Variants in NCKAP5 observed in about 807,000 individuals in gnomAD.
NCKAP5 encodes nck-associated protein 5.
In NCKAP5, 92 loss-of-function variants were observed where a neutral mutation model predicts 167.0. The observed-to-expected ratio is 0.55, with a 90% CI of 0.47 to 0.66. The LOEUF is 0.66. NCKAP5 is among the 30% of genes least tolerant of loss of function. NCKAP5 has a pLI of 0.00. For synonymous variants in NCKAP5, 891 were observed against 877.4 expected, an observed-to-expected ratio of 1.02 and a Z score of -0.27; for missense variants, 2,378 against 2,315.0, an observed-to-expected ratio of 1.03 and a Z score of -0.56.
chr2:132,769,659 G>A (rs1245910657), intron 16 of NCKAP5, among the ~76,000 whole-genome samples: 1 of 152,192 alleles, frequency 6.6e-6, no homozygotes, highest in Non-Finnish European at 1.5e-5. Flanking sequence ...TGGGAGACAT[G>A]CTCAGTCCTC....
At chr2:133,400,931 G>A (rs868206402) in intron 3 of NCKAP5, among the ~76,000 whole-genome samples, 14 of 152,194 alleles carry the variant, frequency 9.2e-5, no homozygotes, top group African/African-American at 2.2e-4. Context: ...TACGAATGAG[G>A]GCAGCAGCTT....
intron 6 of NCKAP5, among the ~76,000 whole-genome samples, chr2:133,068,030 G>A (rs2080257925): frequency 6.6e-6 from 1 of 152,096 alleles, no homozygotes; most frequent in African/African-American, 2.4e-5. Context: ...TTCACCTGAT[G>A]GCAAAACCCA....
chr2:132,740,037 G>A (rs2105569837), intron 16 of NCKAP5, among the ~76,000 whole-genome samples: 1 of 152,122 alleles, frequency 6.6e-6, no homozygotes, highest in East Asian at 1.9e-4. Flanking sequence ...TTCCTTCTGT[G>A]CAACGATCTA....
intron 5 of NCKAP5, among the ~76,000 whole-genome samples, chr2:133,157,256 T>C (rs909528377): frequency 1.3e-5 from 2 of 152,220 alleles, no homozygotes; most frequent in East Asian, 3.9e-4. Flanking sequence ...TACTTTCTTC[T>C]ATCCTCCAAA....
At chr2:133,147,288 A>T (rs529408329) in intron 5 of NCKAP5, among the ~76,000 whole-genome samples, 2 of 152,288 alleles carry the variant, frequency 1.3e-5, no homozygotes, top group East Asian at 3.9e-4. Flanking sequence ...GATCAGAGTG[A>T]GAAGGCTAAA....
At chr2:133,164,769 T>C (rs2083933900) in intron 5 of NCKAP5, among the ~76,000 whole-genome samples, 1 of 152,196 alleles carries the variant, frequency 6.6e-6, no homozygotes, top group South Asian at 2.1e-4. Flanking sequence ...TCCATGGATC[T>C]TTCCAGATGA....
At chr2:133,472,501 C>T (rs1455965228) in intron 3 of NCKAP5, among the ~76,000 whole-genome samples, 5 of 152,008 alleles carry the variant, frequency 3.3e-5, no homozygotes, top group African/African-American at 1.2e-4. Flanking sequence ...GGCTCCCCTC[C>T]ACCACCTATC....
intron 5 of NCKAP5, among the ~76,000 whole-genome samples, chr2:133,139,156 T>C (rs2082906400): frequency 6.6e-6 from 1 of 152,178 alleles, no homozygotes. Flanking sequence ...CCCTCTTGTG[T>C]CTCTTCTAAT....
At chr2:133,563,251 C>T (rs1366574263) in intron 1 of NCKAP5, among the ~76,000 whole-genome samples, 1 of 152,112 alleles carries the variant, frequency 6.6e-6, no homozygotes, top group Non-Finnish European at 1.5e-5. Context: ...TGATGTTTAA[C>T]CATAAACTTG....
intron 5 of NCKAP5, among the ~76,000 whole-genome samples, chr2:133,183,974 A>G (rs535225806): frequency 6.6e-6 from 1 of 151,960 alleles, no homozygotes; most frequent in African/African-American, 2.4e-5. Flanking sequence ...TTTTTTTTCT[A>G]CTTTTGTGTT....
chr2:133,557,506 T>A (rs1687825921), intron 2 of NCKAP5, among the ~76,000 whole-genome samples: 1 of 152,128 alleles, frequency 6.6e-6, no homozygotes, highest in Non-Finnish European at 1.5e-5. Context: ...AGAGAGATAA[T>A]GAAATTATGA....
chr2:132,796,488 G>C, intron 12 of NCKAP5, 140 bp downstream of exon 12: 1 of 535,552 alleles, frequency 1.9e-6, no homozygotes. Flanking sequence ...TTGAATTTCA[G>C]AGAACACAAG....
chr2:132,862,840 A>G (rs984761133), intron 10 of NCKAP5, among the ~76,000 whole-genome samples: 1 of 151,174 alleles, frequency 6.6e-6, no homozygotes, highest in Non-Finnish European at 1.5e-5. Context: ...TTTTATTTTG[A>G]GACAGAGTTT....
intron 4 of NCKAP5, among the ~76,000 whole-genome samples, chr2:133,287,361 C>G (rs1679223716): frequency 6.6e-6 from 1 of 152,144 alleles, no homozygotes; most frequent in Non-Finnish European, 1.5e-5. Flanking sequence ...ATTTCTATTT[C>G]CAAAGCAGAG....
At chr2:133,213,839 T>C in intron 4 of NCKAP5, 60 bp from the exon 5 acceptor site, 5 of 1,541,630 alleles carry the variant, frequency 3.2e-6, no homozygotes, top group Non-Finnish European at 4.5e-6. Context: ...GACACTGGCA[T>C]GGCCGTGAAA....
intron 6 of NCKAP5, among the ~76,000 whole-genome samples, chr2:133,106,242 G>C (rs1257871974): frequency 7.2e-6 from 1 of 138,304 alleles, no homozygotes; most frequent in African/African-American, 2.7e-5. Flanking sequence ...GCAGTGAGCC[G>C]AGATGCCACC....
chr2:133,162,672 C>T (rs1374259274), intron 5 of NCKAP5, among the ~76,000 whole-genome samples: 1 of 152,000 alleles, frequency 6.6e-6, no homozygotes, highest in Non-Finnish European at 1.5e-5. Context: ...CTTCTTGATG[C>T]AACATTGTTT....
chr2:133,467,907 CTTT>C lies in NCKAP5; in HGVS notation c.69+49548_69+49550del, dbSNP rs1278217665. Among the ~76,000 whole-genome samples, 10 of 131,642 alleles carry C rather than the reference CTTT, an allele frequency of 7.6e-5. 3 individuals carry two copies. Among genetic ancestry groups the C allele is most frequent in the African/African-American group, 2.1e-4 (7 of 33,740 alleles). The allele number at this position is 131,642 out of a possible 152,430, so 86.4% of individuals were successfully genotyped here. A position where few individuals can be genotyped will look rare whatever the true frequency, so the allele number is the denominator to read the frequency against. On this transcript the variant is annotated intron_variant, in intron 3 of 19. Coordinates refer to ENST00000409261, the MANE Select transcript of NCKAP5 (RefSeq NM_207363.3). ...CTATTTGATTCTTCTCTCTTTTCTT[CTTT>C]ATTAGTCTTGCTAGCGGTCTATCAA...
At chr2:132,735,115 C>T (rs17397177) in intron 16 of NCKAP5, among the ~76,000 whole-genome samples, 30,155 of 152,198 alleles carry the variant, frequency 0.2, 3,580 homozygotes, top group Non-Finnish European at 0.28. Flanking sequence ...TCTGAGAATC[C>T]CAAATGCCTA....
Sources: gnomAD v4.1 joint callset for allele counts (sites outside exome capture counted in the v4.1 genomes callset) on GRCh38, gnomAD v4.1.1 for gene constraint, MANE v1.5 for transcripts, NCBI Gene and HGNC (gene_info 2026-07-23, HGNC 2026-07-21) for gene names.